NCAM2: variants seen among roughly 807,000 people sequenced by gnomAD.
NCAM2 encodes neural cell adhesion molecule 2.
Under a neutral mutation model 98.1 loss-of-function variants are expected in NCAM2, and 30 were observed. The observed-to-expected ratio is 0.31, with a 90% CI of 0.23 to 0.41. The LOEUF is 0.41. NCAM2 is among the 10% of genes least tolerant of loss of function. The pLI is 1.00. For missense variants in NCAM2, 867 were observed against 1,005.8 expected, an observed-to-expected ratio of 0.86 and a Z score of 1.87; for synonymous variants, 368 against 342.4, an observed-to-expected ratio of 1.07 and a Z score of -0.83.
chr21:21,317,749 C>G (rs764170558), intron 5 of NCAM2, among the ~76,000 whole-genome samples: 1 of 151,922 alleles, frequency 6.6e-6, no homozygotes, highest in Non-Finnish European at 1.5e-5. Flanking sequence ...TTCTCAGGCT[C>G]ATCTCAATCT....
intron 15 of NCAM2, among the ~76,000 whole-genome samples, chr21:21,497,259 G>A (rs1019888594): frequency 2.6e-5 from 4 of 152,040 alleles, no homozygotes; most frequent in East Asian, 1.9e-4. Context: ...CTGTGTGCTC[G>A]CTATCAGGGT....
intron 1 of NCAM2, among the ~76,000 whole-genome samples, chr21:21,019,300 T>C (rs576418288): frequency 1.3e-5 from 2 of 152,210 alleles, no homozygotes; most frequent in Admixed American, 6.5e-5. Context: ...CTGCAAAAAT[T>C]TTATTTTTAT....
chr21:21,278,308 A>C (rs1172485408), intron 1 of NCAM2, among the ~76,000 whole-genome samples: 1 of 152,076 alleles, frequency 6.6e-6, no homozygotes, highest in Non-Finnish European at 1.5e-5. Context: ...TTCAGATTCA[A>C]GCTTCTTATA....
chr21:21,284,126 T>C, intron 2 of NCAM2, 68 bp from the exon 3 acceptor site: 1 of 1,215,662 alleles, frequency 8.2e-7, no homozygotes, highest in Non-Finnish European at 1.2e-6. Flanking sequence ...TACATAATAG[T>C]AAATGCCAAT....
At chr21:21,128,928 T>C (rs188008846) in intron 1 of NCAM2, among the ~76,000 whole-genome samples, 89 of 152,284 alleles carry the variant, frequency 5.8e-4, no homozygotes, top group African/African-American at 2.1e-3. Context: ...TTAGAAGATA[T>C]TGTGGGGACC....
At chr21:21,416,523 A>AAAAG (rs398071646) in intron 10 of NCAM2, among the ~76,000 whole-genome samples, 4 of 151,812 alleles carry the variant, frequency 2.6e-5, no homozygotes, top group Non-Finnish European at 4.4e-5. Context: ...AAAAAGAAAA[A>AAAAG]CACTATCTTT....
intron 1 of NCAM2, among the ~76,000 whole-genome samples, chr21:21,023,297 A>G (rs6518028): frequency 1 from 152,266 of 152,266 alleles, 76,133 homozygotes; most frequent in Non-Finnish European, 1. Flanking sequence ...GCCGAGGTGG[A>G]CAGATCACTT....
intron 1 of NCAM2, among the ~76,000 whole-genome samples, chr21:21,140,865 A>C (rs56011808): frequency 6.6e-4 from 101 of 152,318 alleles, no homozygotes; most frequent in African/African-American, 2.2e-3. Flanking sequence ...GAACATTGCT[A>C]TGAGGCCAGA....
At chr21:21,360,043 T>C (rs2075603319) in intron 8 of NCAM2, among the ~76,000 whole-genome samples, 1 of 151,966 alleles carries the variant, frequency 6.6e-6, no homozygotes, top group Non-Finnish European at 1.5e-5. Context: ...TATGAAAATA[T>C]CTGAGCAAAC....
At chr21:21,058,021 A>G (rs756461803) in intron 1 of NCAM2, among the ~76,000 whole-genome samples, 3 of 151,986 alleles carry the variant, frequency 2.0e-5, no homozygotes, top group African/African-American at 4.8e-5. Context: ...ATGATTGAAC[A>G]TAATGCTTTG....
chr21:21,191,507 CTTAATT>C lies in NCAM2; in HGVS notation c.56-89065_56-89060del, dbSNP rs562243053. ...TTTAAATCAGTTATTCTATATGCAA[CTTAATT>C]TTAATGTTATGCCTTTAGTTTACAT... On this transcript the variant is annotated intron_variant, in intron 1 of 17. Coordinates refer to ENST00000400546, the MANE Select transcript of NCAM2 (RefSeq NM_004540.5). 2.2e-3 allele frequency among the ~76,000 whole-genome samples: 332 copies of C among 152,260 alleles called. 1 individual carries two copies. Among genetic ancestry groups the C allele is most frequent in the Non-Finnish European group, 4.1e-3 (278 of 68,020 alleles).
At chr21:21,095,616 T>G (rs2066105607) in intron 1 of NCAM2, among the ~76,000 whole-genome samples, 1 of 151,602 alleles carries the variant, frequency 6.6e-6, no homozygotes, top group Admixed American at 6.6e-5. Context: ...GATGATAAGA[T>G]ACTTTAAATA....
chr21:21,228,471 A>C (rs1227832642), intron 1 of NCAM2, among the ~76,000 whole-genome samples: 4 of 151,512 alleles, frequency 2.6e-5, no homozygotes, highest in Non-Finnish European at 5.9e-5. Context: ...GTTAGAGAAT[A>C]GATAAACTAC....
At chr21:21,035,275 G>A (rs966772390) in intron 1 of NCAM2, among the ~76,000 whole-genome samples, 14 of 152,048 alleles carry the variant, frequency 9.2e-5, no homozygotes, top group African/African-American at 2.9e-4. Flanking sequence ...ATTTCCAATT[G>A]TGTTTGTTAC....
chr21:21,312,121 A>G (rs926358387), intron 5 of NCAM2, among the ~76,000 whole-genome samples: 3 of 152,044 alleles, frequency 2.0e-5, no homozygotes, highest in Non-Finnish European at 4.4e-5. Context: ...CTATATATCA[A>G]TGTTAGGTCT....
Position 21,247,292 on chromosome 21 carries a change from T to C in NCAM2, c.56-33286T>C, listed in dbSNP as rs2071313734. 3.3e-5 allele frequency among the ~76,000 whole-genome samples: 5 copies of C among 152,182 alleles called. No homozygotes were observed. In the South Asian group the frequency reaches 6.2e-4, roughly 19 times the overall value. On this transcript the variant is annotated intron_variant, in intron 1 of 17. Coordinates refer to ENST00000400546, the MANE Select transcript of NCAM2 (RefSeq NM_004540.5). ...CGAGATCTCGCCACTGCACTCCAGC[T>C]TGGGCGACAGAGCAAGACTCCGTCT...
chr21:21,266,086 T>C (rs1464825499), intron 1 of NCAM2, among the ~76,000 whole-genome samples: 1 of 152,116 alleles, frequency 6.6e-6, no homozygotes, highest in Non-Finnish European at 1.5e-5. Context: ...TTAGAATATA[T>C]TCAAATGTTT....
intron 16 of NCAM2, among the ~76,000 whole-genome samples, chr21:21,529,760 C>CTG (rs1989521616): frequency 6.6e-6 from 1 of 151,636 alleles, no homozygotes; most frequent in African/African-American, 2.4e-5. Context: ...CTCTCTCTCT[C>CTG]TGTGTTAATA....
chr21:21,518,105 T>C (rs1988813335), intron 16 of NCAM2, among the ~76,000 whole-genome samples: 1 of 152,194 alleles, frequency 6.6e-6, no homozygotes, highest in Non-Finnish European at 1.5e-5. Context: ...ATTACCCTTA[T>C]AATGCCTGGC....
Sources: allele counts gnomAD v4.1 joint callset (sites outside exome capture counted in the v4.1 genomes callset), GRCh38; gene constraint gnomAD v4.1.1; transcripts MANE v1.5; gene names NCBI Gene and HGNC (gene_info 2026-07-23, HGNC 2026-07-21).